UBE3D: variants seen among roughly 807,000 people sequenced by gnomAD.
UBE3D encodes E3 ubiquitin-protein ligase E3D.
Under a neutral mutation model 49.6 loss-of-function variants are expected in UBE3D, and 48 were observed. The ratio of observed to expected loss-of-function variants is 0.97; its 90% CI spans 0.77 to 1.23. The LOEUF (loss-of-function observed/expected upper bound fraction) is 1.23, where lower values mean the gene tolerates loss of function less well. UBE3D is among the 50% of genes most tolerant of loss of function. The probability of loss-of-function intolerance (pLI) is 0.00; values close to 1 mark genes in which losing one functional copy is unlikely to be tolerated. For synonymous variants in UBE3D, 189 were observed against 174.2 expected (o/e 1.08, Z -0.67); for missense variants, 452 against 468.4 (o/e 0.96, Z 0.32).
chr6:82,894,389 G>A (rs958254272), intron 9 of UBE3D, among the ~76,000 whole-genome samples: 2 of 152,094 alleles, frequency 1.3e-5, no homozygotes, highest in Non-Finnish European at 2.9e-5. Flanking sequence ...TGGAAAAAGG[G>A]CCAAACCGCC....
rs186853324 is a variant in UBE3D, at chr6:82,947,501, A to T, written c.1149+9811T>A. On this transcript the variant is annotated intron_variant, in intron 9 of 9. Coordinates refer to ENST00000369747, the MANE Select transcript of UBE3D (RefSeq NM_198920.3). ...AATGGTTGTAGAATACATATTTTTT[A>T]AATTTTTAATTTCTTTTCTTTTCTT... Among the ~76,000 whole-genome samples the T allele has an allele frequency of 9.2e-3, 1,385 of 150,376 alleles. 20 individuals carry two copies. The highest frequency in any genetic ancestry group is 0.032 in the African/African-American group (1,316 of 40,868).
At chr6:82,917,008 G>T (rs575812185) in intron 9 of UBE3D, among the ~76,000 whole-genome samples, 1 of 152,266 alleles carries the variant, frequency 6.6e-6, no homozygotes, top group South Asian at 2.1e-4. Flanking sequence ...ATACCTGGGA[G>T]CACTTAAAAA....
At chr6:82,987,975 C>G (rs563391117) in intron 8 of UBE3D, among the ~76,000 whole-genome samples, 2 of 152,152 alleles carry the variant, frequency 1.3e-5, no homozygotes, top group East Asian at 3.9e-4. Context: ...GCAAAAAATA[C>G]AATGTGATAC....
chr6:82,966,606 C>T, intron 8 of UBE3D, among the ~76,000 whole-genome samples: 1 of 68,534 alleles, frequency 1.5e-5, no homozygotes, highest in Non-Finnish European at 2.9e-5. Flanking sequence ...GCCGAGATCC[C>T]GCCACTGCAC....
At chr6:82,969,399 G>C (rs1777183128) in intron 8 of UBE3D, among the ~76,000 whole-genome samples, 1 of 152,098 alleles carries the variant, frequency 6.6e-6, no homozygotes, top group Admixed American at 6.6e-5. Flanking sequence ...TTCAGCTCAG[G>C]AGTTTGAAAC....
At chr6:82,883,990 C>G in the UBE3D span, among the ~76,000 whole-genome samples, 1 of 152,124 alleles carries the variant, frequency 6.6e-6, no homozygotes, top group Non-Finnish European at 1.5e-5. Flanking sequence ...TAATTCTGCA[C>G]TTGGGTTTGG....
In UBE3D at chr6:83,044,474, G is replaced by A. The variant is rs1217918610; in HGVS notation, c.551C>T (p.Ser184Phe). The A allele has an allele frequency of 3.1e-6, 5 of 1,614,116 alleles. No homozygotes were observed. The highest frequency in any genetic ancestry group is 4.2e-6 in the Non-Finnish European group (5 of 1,179,996). ...AGAAACACAGCACATCTCCACTGGG[G>A]ATAGTTCAGGTCTTTGCTGCCACAA... ...TSLWQQRPEL[S>F]PVEMCCVSSD... Residue 184 changes from serine (S) to phenylalanine (F), a missense_variant, in exon 4 of 10, where the codon TCC becomes TTC. Coordinates refer to ENST00000369747, the MANE Select transcript of UBE3D (RefSeq NM_198920.3).
At chr6:83,063,054 A>C (rs1446440138) in intron 1 of UBE3D, 2 of 171,250 alleles carry the variant, frequency 1.2e-5, no homozygotes, top group Non-Finnish European at 2.5e-5. Context: ...CTAACCCTTA[A>C]GGAATAAAAA....
At chr6:83,018,304 T>G (rs1383681495) in intron 8 of UBE3D, 3 of 152,212 alleles carry the variant, frequency 2.0e-5, no homozygotes, top group Non-Finnish European at 4.4e-5. Context: ...ACCACTTCAC[T>G]TCCTTCAAGT....
intron 8 of UBE3D, among the ~76,000 whole-genome samples, chr6:82,996,537 T>G (rs1779253302): frequency 6.6e-6 from 1 of 152,164 alleles, no homozygotes; most frequent in South Asian, 2.1e-4. Context: ...CCTTTGAGTG[T>G]GGGCTGGATT....
At chr6:83,012,805 G>A (rs1397779626) in intron 8 of UBE3D, among the ~76,000 whole-genome samples, 1 of 152,196 alleles carries the variant, frequency 6.6e-6, no homozygotes, top group Non-Finnish European at 1.5e-5. Context: ...CATCCAAGGT[G>A]TACTGCTCCA....
intron 5 of UBE3D, among the ~76,000 whole-genome samples, chr6:83,027,863 G>A (rs1395792157): frequency 2.6e-5 from 4 of 152,076 alleles, no homozygotes; most frequent in African/African-American, 7.2e-5. Flanking sequence ...TATTGCCCAT[G>A]CTCCATTCTT....
intron 8 of UBE3D, among the ~76,000 whole-genome samples, chr6:83,014,813 G>A (rs911283604): frequency 3.9e-5 from 6 of 152,102 alleles, no homozygotes; most frequent in African/African-American, 1.4e-4. Context: ...AGGGGTTCTG[G>A]GTCTGTAAAC....
At chr6:83,006,064 AAAATAC>A (rs1779956618) in intron 8 of UBE3D, among the ~76,000 whole-genome samples, 2 of 152,106 alleles carry the variant, frequency 1.3e-5, no homozygotes, top group African/African-American at 4.8e-5. Context: ...GTCTCTACTA[AAAATAC>A]AAAAATTAGC....
At chr6:83,031,810 A>G (rs1180567955) in intron 5 of UBE3D, among the ~76,000 whole-genome samples, 1 of 152,232 alleles carries the variant, frequency 6.6e-6, no homozygotes, top group Admixed American at 6.5e-5. Context: ...TCCGTGTCCC[A>G]GCCGCACTAG....
intron 9 of UBE3D, among the ~76,000 whole-genome samples, chr6:82,922,042 T>A (rs1348072931): frequency 6.6e-6 from 1 of 152,144 alleles, no homozygotes; most frequent in Non-Finnish European, 1.5e-5. Flanking sequence ...AAATTTAATG[T>A]TAGACAAATA....
chr6:83,045,513 A>T (rs150156356), intron 3 of UBE3D, among the ~76,000 whole-genome samples: 128 of 152,256 alleles, frequency 8.4e-4, no homozygotes, highest in African/African-American at 2.6e-3. Flanking sequence ...CTATATTAAG[A>T]GTATTAGCCT....
chr6:83,002,629 G>A (rs145363223), intron 8 of UBE3D, among the ~76,000 whole-genome samples: 298 of 152,364 alleles, frequency 2.0e-3, no homozygotes, highest in African/African-American at 6.9e-3. Context: ...ACGTTGCGGT[G>A]AGCCGAGATT....
In UBE3D at chr6:83,038,427, G is replaced by T; in HGVS notation, c.656C>A (p.Thr219Asn). 1 of 1,611,654 alleles carries T rather than the reference G, an allele frequency of 6.2e-7. No homozygotes were observed. Among genetic ancestry groups the T allele is most frequent in the East Asian group, 2.2e-5 (1 of 44,672 alleles). ...TATGAAATTCTTACCTGATGACACG[G>T]TCTCTCCCAACATTACCTTGCAACG... Reference protein sequence around the residue: ...CKRCKVMLGETVSSETTKFYM... With the variant: ...CKRCKVMLGENVSSETTKFYM... The change falls in exon 5 of 10, where the codon ACC (threonine) becomes AAC (asparagine). Residue 219 changes from threonine (T) to asparagine (N), a missense_variant. Coordinates refer to ENST00000369747, the MANE Select transcript of UBE3D (RefSeq NM_198920.3).
Sources: gnomAD v4.1 joint callset for allele counts (sites outside exome capture counted in the v4.1 genomes callset) on GRCh38, gnomAD v4.1.1 for gene constraint, MANE v1.5 for transcripts, NCBI Gene and HGNC (gene_info 2026-07-23, HGNC 2026-07-21) for gene names.